The following PCDHA6 variants were observed in gnomAD, a reference collection of about 807,000 sequenced individuals.
PCDHA6 encodes protocadherin alpha-6.
Under a neutral mutation model 60.3 loss-of-function variants are expected in PCDHA6, and 55 were observed. That is an observed-to-expected ratio of 0.91 (90% CI 0.73 to 1.14). The LOEUF is 1.14. Ranked by LOEUF, PCDHA6 falls within the 50% of genes most tolerant of loss-of-function variation. The pLI is 0.00. For missense variants in PCDHA6, 1,327 were observed against 1,256.5 expected, an observed-to-expected ratio of 1.06 and a Z score of -0.85; for synonymous variants, 652 against 557.9, an observed-to-expected ratio of 1.17 and a Z score of -2.38.
intron 1 of PCDHA6, among the ~76,000 whole-genome samples, chr5:140,900,338 C>T (rs145242611): frequency 0.027 from 4,159 of 152,082 alleles, 89 homozygotes; most frequent in Non-Finnish European, 0.044. Flanking sequence ...AGTACCGTGG[C>T]GCAATCTTGG....
Position 140,843,107 on chromosome 5 carries a change from G to T in PCDHA6, c.2394+12622G>T, listed in dbSNP as rs1554139748. The T allele has an allele frequency of 5.6e-6, 9 of 1,595,816 alleles. 1 individual carries two copies. Among genetic ancestry groups the T allele is most frequent in the Non-Finnish European group, 6.9e-6 (8 of 1,165,524 alleles). ...GGGCCACGTGGTAGCGAAGGTGCGCGCAGTGGACGCCGACTCGGGCTACAA... is the reference window on the plus strand; with the variant it reads ...GGGCCACGTGGTAGCGAAGGTGCGCTCAGTGGACGCCGACTCGGGCTACAA... On this transcript the variant is annotated intron_variant, in intron 1 of 3. Coordinates refer to ENST00000529310, the MANE Select transcript of PCDHA6 (RefSeq NM_018909.4).
intron 1 of PCDHA6, chr5:140,856,747 T>C (rs2044175443): frequency 2.5e-6 from 4 of 1,596,640 alleles, no homozygotes; most frequent in Non-Finnish European, 3.4e-6. Context: ...TGGTGTTAGA[T>C]GCCAATGATA....
At chr5:140,866,021 G>A (rs2049106478) in intron 1 of PCDHA6, 1 of 152,210 alleles carries the variant, frequency 6.6e-6, no homozygotes, top group Middle Eastern at 3.4e-3. Flanking sequence ...TTTCTTGTAA[G>A]AGTTCGTGAT....
chr5:140,871,699 C>A, intron 1 of PCDHA6: 1 of 891,286 alleles, frequency 1.1e-6, no homozygotes. Context: ...CTTCTTTAAC[C>A]AATAAATGTC....
chr5:140,852,926 T>C (rs1274481129), intron 1 of PCDHA6: 1 of 649,848 alleles, frequency 1.5e-6, no homozygotes, highest in Non-Finnish European at 2.0e-6. Flanking sequence ...TTGCCCAGGC[T>C]GGAGTGCAGT....
chr5:140,939,054 G>C (rs1304220594), intron 1 of PCDHA6, among the ~76,000 whole-genome samples: 1 of 152,112 alleles, frequency 6.6e-6, no homozygotes, highest in East Asian at 1.9e-4. Flanking sequence ...GTCCATTTGG[G>C]CTGCTATATC....
chr5:140,860,534 AAGAC>A, intron 1 of PCDHA6: 1 of 152,306 alleles, frequency 6.6e-6, no homozygotes, highest in Middle Eastern at 3.4e-3. Flanking sequence ...TCTGATTTGT[AAGAC>A]AAACCCACCT....
chr5:140,991,501 A>G (rs1223011478), intron 3 of PCDHA6, among the ~76,000 whole-genome samples: 1 of 152,216 alleles, frequency 6.6e-6, no homozygotes, highest in East Asian at 1.9e-4. Context: ...AGTGAGTTTC[A>G]CTGGCTAAAA....
rs1554131556 is a variant in PCDHA6, at chr5:140,828,809, C to G, written c.718C>G (p.Pro240Ala). ...AGTGCTGGATGTGAATGATAATGCT[C>G]CCACTTTCGAACAGTCTGAATACGA... ...VTVLDVNDNA[P>A]TFEQSEYEVR... Residue 240 changes from proline (P) to alanine (A), a missense_variant, in exon 1 of 4, where the codon CCC becomes GCC. Pro to Ala is a conservative substitution (Grantham distance 27). Coordinates refer to ENST00000529310, the MANE Select transcript of PCDHA6 (RefSeq NM_018909.4). The G allele has an allele frequency of 3.7e-6, 6 of 1,614,180 alleles. No individual in the cohort carries two copies. Among genetic ancestry groups the G allele is most frequent in the Non-Finnish European group, 5.1e-6 (6 of 1,180,034 alleles).
chr5:140,952,371 C>T (rs186648472), intron 1 of PCDHA6, among the ~76,000 whole-genome samples: 1 of 151,860 alleles, frequency 6.6e-6, no homozygotes, highest in African/African-American at 2.4e-5. Flanking sequence ...AAGAAATTTC[C>T]TCTGCCAGGT....
chr5:140,936,326 A>G (rs2090913771), intron 1 of PCDHA6, among the ~76,000 whole-genome samples: 1 of 152,138 alleles, frequency 6.6e-6, no homozygotes, highest in South Asian at 2.1e-4. Flanking sequence ...CATGCTATAA[A>G]TTTTCTCTAT....
rs201652283 is a variant in PCDHA6, at chr5:141,009,916, G to A, written c.2832G>A (p.Thr944=). The A allele has an allele frequency of 4.3e-6, 7 of 1,611,506 alleles. No homozygotes were observed. The highest frequency in any genetic ancestry group is 2.2e-5 in the East Asian group (1 of 44,862). ...TQEKKEKGNS[T]TDNSDQ is the part of the protein sequence containing the mutation. The stretch of plus-strand genomic sequence containing the variant: ...AGAAAAAAGAGAAAGGGAACAGCAC[G>A]ACTGACAACAGTGACCAGTGAGGTC... Residue 944 remains threonine (T), a synonymous_variant, in exon 4 of 4, where the codon ACG becomes ACA. Coordinates refer to ENST00000529310, the MANE Select transcript of PCDHA6 (RefSeq NM_018909.4).
intron 1 of PCDHA6, chr5:140,862,985 G>A: frequency 1.8e-6 from 1 of 547,112 alleles, no homozygotes; most frequent in Non-Finnish European, 3.6e-6. Flanking sequence ...GGTGGCGAAG[G>A]TGCGCACGGT....
At chr5:140,875,874 A>C in intron 1 of PCDHA6, 1 of 1,614,188 alleles carries the variant, frequency 6.2e-7, no homozygotes, top group Non-Finnish European at 8.5e-7. Flanking sequence ...CGGTGTTCAG[A>C]GAAAGGGAAC....
chr5:140,916,084 C>T (rs1330761804), intron 1 of PCDHA6, among the ~76,000 whole-genome samples: 3 of 152,186 alleles, frequency 2.0e-5, no homozygotes, highest in Non-Finnish European at 4.4e-5. Flanking sequence ...TACCACTGGT[C>T]CACAGGGAAT....
At chr5:140,845,035 G>A (rs1427311138) in intron 1 of PCDHA6, among the ~76,000 whole-genome samples, 3 of 149,148 alleles carry the variant, frequency 2.0e-5, no homozygotes, top group Middle Eastern at 3.4e-3. Context: ...GCATATTTTA[G>A]CCCCCTTGTC....
chr5:140,916,469 T>C (rs1051023499), intron 1 of PCDHA6, among the ~76,000 whole-genome samples: 2 of 152,194 alleles, frequency 1.3e-5, no homozygotes, highest in African/African-American at 4.8e-5. Flanking sequence ...TGCTGGTTAT[T>C]TGGTGCCCAA....
At chr5:140,877,980 T>C in intron 1 of PCDHA6, 1 of 1,219,572 alleles carries the variant, frequency 8.2e-7, no homozygotes. Flanking sequence ...TTCTTACTCA[T>C]TTTGAACTTT....
At chr5:140,947,896 G>A (rs1355775996) in intron 1 of PCDHA6, among the ~76,000 whole-genome samples, 5 of 151,478 alleles carry the variant, frequency 3.3e-5, no homozygotes, top group Non-Finnish European at 7.4e-5. Context: ...AACAGAAGTG[G>A]TGAGAGCAGA....
Sources: gnomAD v4.1 joint callset for allele counts (sites outside exome capture counted in the v4.1 genomes callset) on GRCh38, gnomAD v4.1.1 for gene constraint, MANE v1.5 for transcripts, NCBI Gene and HGNC (gene_info 2026-07-23, HGNC 2026-07-21) for gene names.